SKP1: variants seen among roughly 807,000 people sequenced by gnomAD.
SKP1 encodes S-phase kinase-associated protein 1.
SKP1 carries 1 observed loss-of-function variant against 21.5 expected under a neutral mutation model. That is an observed-to-expected ratio of 0.05 (90% CI 0.02 to 0.22). The LOEUF is 0.22. Among genes scored for constraint, SKP1 ranks in the 10% least tolerant of loss-of-function variants. The probability of loss-of-function intolerance (pLI) is 1.00; values close to 1 mark genes in which losing one functional copy is unlikely to be tolerated. For synonymous variants in SKP1, 59 were observed against 59.3 expected, an observed-to-expected ratio of 0.99 and a Z score of 0.03; for missense variants, 70 against 192.0, an observed-to-expected ratio of 0.36 and a Z score of 3.76.
rs1180285066 is a variant in SKP1, at chr5:134,152,880, G to GT, written c.*4852dup. The GT allele has an allele frequency of 1.3e-5, 2 of 152,194 alleles. No individual in the cohort carries two copies. Among genetic ancestry groups the GT allele is most frequent in the Admixed American group, 6.6e-5 (1 of 15,262 alleles). 9.4% of individuals were successfully genotyped at this position (152,194 alleles called of 1,614,324 possible). A position where few individuals can be genotyped will look rare whatever the true frequency, so the allele number is the denominator to read the frequency against. On this transcript the variant is annotated 3_prime_UTR_variant, in exon 6 of 6. Coordinates refer to ENST00000353411, the MANE Select transcript of SKP1 (RefSeq NM_170679.3). ...TAGAGTTATCCACTCCCTCCCAGCA[G>GT]TATTTATGCCTTCTCTCCTGAACTA...
At chr5:134,162,890 TAG>T (rs1761245561) in intron 3 of SKP1, among the ~76,000 whole-genome samples, 1 of 151,798 alleles carries the variant, frequency 6.6e-6, no homozygotes, top group African/African-American at 2.4e-5. Flanking sequence ...CTGGGCAATA[TAG>T]AGACACCCCG....
At position 134,157,955 on chromosome 5, in the gene SKP1, G is replaced by A. The variant is rs1470360452; in HGVS notation, c.457-187C>T. ...CTTTGCCTCCCATGGTTTTTATTCTGCCCTGCTGAAATTATGAACAAAGCA... is the reference window on the plus strand; with the variant it reads ...CTTTGCCTCCCATGGTTTTTATTCTACCCTGCTGAAATTATGAACAAAGCA... On this transcript the variant is annotated intron_variant, in intron 5 of 5. Coordinates refer to ENST00000353411, the MANE Select transcript of SKP1 (RefSeq NM_170679.3). 2.6e-6 allele frequency: 4 copies of A among 1,524,222 alleles called. No individual in the cohort carries two copies. In the Admixed American group the frequency reaches 7.9e-5, roughly 30 times the overall value. The allele number at this position is 1,524,222 out of a possible 1,614,324, so 94.4% of individuals were successfully genotyped here. A position where few individuals can be genotyped will look rare whatever the true frequency, so the allele number is the denominator to read the frequency against.
Position 134,150,930 on chromosome 5 carries a change from TA to T in SKP1, c.*6802del, listed in dbSNP as rs1385425736. On this transcript the variant is annotated 3_prime_UTR_variant, in exon 6 of 6. Transcript: ENST00000353411. ...TGTTCACATACACAGTCCCTTAGAA[TA>T]AAAGCCTAGCTCAGGTCAGGAAGGA... 10 of 152,182 alleles carry T rather than the reference TA, an allele frequency of 6.6e-5. No homozygotes were observed. Among genetic ancestry groups the T allele is most frequent in the African/African-American group, 2.4e-4 (10 of 41,440 alleles). The allele number at this position is 152,182 out of a possible 1,614,324, so 9.4% of individuals were successfully genotyped here. A position where few individuals can be genotyped will look rare whatever the true frequency, so the allele number is the denominator to read the frequency against.
chr5:134,159,205 ATG>A (rs1436057896), intron 4 of SKP1, among the ~76,000 whole-genome samples: 1 of 152,042 alleles, frequency 6.6e-6, no homozygotes, highest in Non-Finnish European at 1.5e-5. Context: ...CCGATTTTTC[ATG>A]TGTTTTACTT....
At chr5:134,168,349 A>G (rs1386435476) in intron 2 of SKP1, among the ~76,000 whole-genome samples, 2 of 152,218 alleles carry the variant, frequency 1.3e-5, no homozygotes, top group African/African-American at 4.8e-5. Context: ...ATACATATAC[A>G]CACTAAAAAT....
rs1410667826 is a variant in SKP1 at position 134,151,787 on chromosome 5, G to A, written c.*5946C>T. 4.3e-5 allele frequency: 18 copies of A among 417,936 alleles called. No individual in the cohort carries two copies. Among genetic ancestry groups the A allele is most frequent in the East Asian group, 2.9e-4 (4 of 13,872 alleles). The allele number at this position is 417,936 out of a possible 1,614,324, so 25.9% of individuals were successfully genotyped here. A position where few individuals can be genotyped will look rare whatever the true frequency, so the allele number is the denominator to read the frequency against. On this transcript the variant is annotated 3_prime_UTR_variant, in exon 6 of 6. Coordinates refer to ENST00000353411, the MANE Select transcript of SKP1 (RefSeq NM_170679.3). ...GCACACAGACCAGAGGTAGCCAGCA[G>A]TACACAAGACTGCAAGGCAACAAGT...
At position 134,157,512 on chromosome 5, in the gene SKP1, G is replaced by A; in HGVS notation, c.*221C>T. On this transcript the variant is annotated 3_prime_UTR_variant, in exon 6 of 6. Transcript: ENST00000353411. ...AACCCACAGTTCAGTTTTATTCAGA[G>A]CAAAGAAAAAAGAAACTTTCCATCA... 1.9e-6 allele frequency: 1 copy of A among 519,822 alleles called. No homozygotes were observed. Among genetic ancestry groups the A allele is most frequent in the South Asian group, 2.5e-5 (1 of 40,642 alleles). The allele number at this position is 519,822 out of a possible 1,614,324, so 32.2% of individuals were successfully genotyped here.
At chr5:134,175,521 TTAGA>T (rs1275783266) in intron 1 of SKP1, 24 of 152,260 alleles carry the variant, frequency 1.6e-4, no homozygotes, top group East Asian at 3.8e-4. Context: ...AATTTTTATA[TTAGA>T]TAGTACTGAA....
At chr5:134,168,313 T>C (rs1180716418) in intron 2 of SKP1, among the ~76,000 whole-genome samples, 1 of 152,240 alleles carries the variant, frequency 6.6e-6, no homozygotes, top group East Asian at 1.9e-4. Flanking sequence ...TCTCAATCTA[T>C]TCAAATCTGA....
intron 3 of SKP1, among the ~76,000 whole-genome samples, chr5:134,163,183 C>CCA (rs1761250264): frequency 8.1e-6 from 1 of 123,046 alleles, no homozygotes; most frequent in African/African-American, 3.2e-5. Context: ...CCACTGCACT[C>CCA]CAGCCTGAGC....
At chr5:134,168,874 A>G (rs1761385314) in intron 2 of SKP1, among the ~76,000 whole-genome samples, 1 of 152,080 alleles carries the variant, frequency 6.6e-6, no homozygotes, top group African/African-American at 2.4e-5. Flanking sequence ...AAAATACTAG[A>G]TATCCAAGGG....
chr5:134,176,783 C>T (rs1235257821), intron 1 of SKP1, 72 bp downstream of exon 1: 1 of 152,550 alleles, frequency 6.6e-6, no homozygotes, highest in Non-Finnish European at 1.5e-5. Context: ...AGGCCCAAAC[C>T]GCAGCGGTGA....
At chr5:134,173,624 A>G (rs576167837) in intron 2 of SKP1, 14 of 459,436 alleles carry the variant, frequency 3.0e-5, no homozygotes, top group Admixed American at 2.0e-4. Flanking sequence ...TATCACTGGA[A>G]CTTATGAATT....
chr5:134,170,245 A>G (rs1761416348), intron 2 of SKP1, among the ~76,000 whole-genome samples: 2 of 152,198 alleles, frequency 1.3e-5, no homozygotes, highest in African/African-American at 2.4e-5. Flanking sequence ...TATTTTTTGT[A>G]AAGACAGGGT....
chr5:134,155,058 T>A lies in SKP1; in HGVS notation c.*2675A>T, dbSNP rs553059305. On this transcript the variant is annotated 3_prime_UTR_variant, in exon 6 of 6. Transcript: ENST00000353411. ...AATCCTGCTGTCAAGTGACTTCCAA[T>A]GAAGTTCTGGAACTAATATAAAGCA... The A allele has an allele frequency of 2.6e-5, 4 of 152,330 alleles. No individual in the cohort carries two copies. Among genetic ancestry groups the A allele is most frequent in the East Asian group, 3.9e-4 (2 of 5,192 alleles). 9.4% of individuals were successfully genotyped at this position (152,330 alleles called of 1,614,324 possible). A position where few individuals can be genotyped will look rare whatever the true frequency, so the allele number is the denominator to read the frequency against.
At chr5:134,161,317 T>C in intron 3 of SKP1, 187 bp from the exon 4 acceptor site, 1 of 496,068 alleles carries the variant, frequency 2.0e-6, no homozygotes, top group South Asian at 4.2e-5. Context: ...GAGAAGATCT[T>C]ATTAGATAAA....
chr5:134,149,917 G>C lies in SKP1; in HGVS notation c.*7816C>G, dbSNP rs1761019387. The stretch of plus-strand genomic sequence containing the variant: ...TCCCAAATCACCCTGGTGCATTCCT[G>C]CGAGGCCAGAGGGTGACTTGAGATT... On this transcript the variant is annotated 3_prime_UTR_variant, in exon 6 of 6. Coordinates refer to ENST00000353411, the MANE Select transcript of SKP1 (RefSeq NM_170679.3). The C allele has an allele frequency of 6.6e-6, 1 of 151,424 alleles. No individual in the cohort carries two copies. The highest frequency in any genetic ancestry group is 1.5e-5 in the Non-Finnish European group (1 of 67,954). The allele number at this position is 151,424 out of a possible 1,614,324, so 9.4% of individuals were successfully genotyped here. A position where few individuals can be genotyped will look rare whatever the true frequency, so the allele number is the denominator to read the frequency against.
chr5:134,153,839 T>G lies in SKP1; in HGVS notation c.*3894A>C, dbSNP rs967315576. The G allele has an allele frequency of 6.6e-6, 1 of 152,222 alleles. No homozygotes were observed. The highest frequency in any genetic ancestry group is 2.4e-5 in the African/African-American group (1 of 41,460). 9.4% of individuals were successfully genotyped at this position (152,222 alleles called of 1,614,324 possible). ...CCCTAAGTGAGATGCCCACAGTGAC[T>G]CACTGTTACTATCCTCCCTCCCCAG... On this transcript the variant is annotated 3_prime_UTR_variant, in exon 6 of 6. Transcript: ENST00000353411.
chr5:134,158,301 C>T, intron 5 of SKP1, 154 bp downstream of exon 5: 1 of 1,524,100 alleles, frequency 6.6e-7, no homozygotes, highest in African/African-American at 1.4e-5. Flanking sequence ...TTCATAAAGA[C>T]AGAACAGTAA....
Sources: gnomAD v4.1 joint callset for allele counts (sites outside exome capture counted in the v4.1 genomes callset) on GRCh38, gnomAD v4.1.1 for gene constraint, MANE v1.5 for transcripts, NCBI Gene and HGNC (gene_info 2026-07-23, HGNC 2026-07-21) for gene names.